Variants in IRAK1BP1 observed in about 807,000 individuals in gnomAD.
IRAK1BP1 encodes the protein interleukin 1 receptor associated kinase 1 binding protein 1, also known as interleukin-1 receptor-associated kinase 1-binding protein 1.
Under a neutral mutation model 28.0 loss-of-function variants are expected in IRAK1BP1, and 24 were observed. The ratio of observed to expected loss-of-function variants is 0.86; its 90% CI spans 0.62 to 1.20. IRAK1BP1 has a LOEUF of 1.20. Among genes scored for constraint, IRAK1BP1 ranks in the 50% most tolerant of loss-of-function variants. The pLI is 0.00. For missense variants in IRAK1BP1, 336 were observed against 316.7 expected (o/e 1.06, Z -0.46); for synonymous variants, 131 against 116.3 (o/e 1.13, Z -0.81).
chr6:78,950,400 G>T (rs1337294646), downstream of IRAK1BP1, among the ~76,000 whole-genome samples: 4 of 152,166 alleles, frequency 2.6e-5, no homozygotes, highest in East Asian at 7.7e-4. Flanking sequence ...TCTATCTTCT[G>T]GAAGAGATTG....
chr6:78,945,081 TC>T (rs1773726656), intron 4 of IRAK1BP1, among the ~76,000 whole-genome samples: 1 of 151,608 alleles, frequency 6.6e-6, no homozygotes, highest in Non-Finnish European at 1.5e-5. Context: ...AAGATTTATT[TC>T]TTTTTTTTTT....
rs2127657760 is a variant in IRAK1BP1, at chr6:78,902,918, G to A, written c.*4584G>A. ...GGTAATATTAATAGAAATCTTTCAA[G>A]AAGGATTGTTTTCTACTATTAAAAC... On this transcript the variant is annotated 3_prime_UTR_variant, in exon 4 of 4. Transcript: ENST00000369940. 1.3e-6 allele frequency: 1 copy of A among 754,514 alleles called. No individual in the cohort carries two copies. The highest frequency in any genetic ancestry group is 2.6e-5 in the Admixed American group (1 of 38,154). The allele number at this position is 754,514 out of a possible 1,614,324, so 46.7% of individuals were successfully genotyped here.
chr6:78,872,176 T>C (rs1202994505), intron 1 of IRAK1BP1: 3 of 694,768 alleles, frequency 4.3e-6, no homozygotes, highest in Non-Finnish European at 7.9e-6. Context: ...CTCTGCAGGA[T>C]TAAATTTGAG....
At chr6:78,917,287 C>A (rs990253570) in intron 4 of IRAK1BP1, among the ~76,000 whole-genome samples, 1 of 151,102 alleles carries the variant, frequency 6.6e-6, no homozygotes, top group African/African-American at 2.4e-5. Context: ...CAATGGAAAG[C>A]TTTATCAATA....
At chr6:78,946,399 T>C (rs1773820226) in exon 5 of IRAK1BP1, 4 of 1,390,588 alleles carry the variant, frequency 2.9e-6, no homozygotes, top group Non-Finnish European at 3.8e-6. Flanking sequence ...TTTCATATGA[T>C]TGTGAGCCTT....
intron 4 of IRAK1BP1, chr6:78,936,894 T>G (rs941424660): frequency 6.6e-6 from 1 of 151,832 alleles, no homozygotes; most frequent in Non-Finnish European, 1.5e-5. Flanking sequence ...ACTTGGAAAT[T>G]AGGGGAACTA....
chr6:78,921,859 G>A (rs1772741299), intron 4 of IRAK1BP1, among the ~76,000 whole-genome samples: 2 of 152,306 alleles, frequency 1.3e-5, no homozygotes, highest in South Asian at 4.1e-4. Flanking sequence ...CTGCAGCTGA[G>A]GGTCCTGACT....
At chr6:78,970,830 A>AT in the IRAK1BP1 span, 2 of 1,612,084 alleles carry the variant, frequency 1.2e-6, no homozygotes, top group Non-Finnish European at 1.7e-6. Flanking sequence ...GATACTATAT[A>AT]TTTTATTTTT....
intron 4 of IRAK1BP1, among the ~76,000 whole-genome samples, chr6:78,943,980 T>C (rs1562112045): frequency 1.2e-5 from 1 of 83,638 alleles, no homozygotes; most frequent in Non-Finnish European, 2.4e-5. Context: ...AGCAAGATCC[T>C]GTCTTTTTTT....
In IRAK1BP1 at chr6:78,902,789, TACATACATACATACATACATAC is replaced by T. The variant is rs1772148861; in HGVS notation, c.*4457_*4478del. The T allele has an allele frequency of 2.7e-6, 1 of 367,358 alleles. No homozygotes were observed. The highest frequency in any genetic ancestry group is 2.8e-5 in the African/African-American group (1 of 35,142). The allele number at this position is 367,358 out of a possible 1,614,324, so 22.8% of individuals were successfully genotyped here. On this transcript the variant is annotated 3_prime_UTR_variant, in exon 4 of 4. Coordinates refer to ENST00000369940, the MANE Select transcript of IRAK1BP1 (RefSeq NM_001010844.4). ...CCATCTACATACATACATACATACA[TACATACATACATACATACATAC>T]ATACATACATAAAATGCCCAGTATC... is the stretch of plus-strand genomic sequence containing the variant.
intron 4 of IRAK1BP1, among the ~76,000 whole-genome samples, chr6:78,911,800 C>T (rs934361359): frequency 6.6e-6 from 1 of 152,130 alleles, no homozygotes; most frequent in Non-Finnish European, 1.5e-5. Flanking sequence ...CTGTTACCCT[C>T]GTCATTTACA....
At chr6:78,915,668 G>A (rs1010756425) in intron 4 of IRAK1BP1, among the ~76,000 whole-genome samples, 5 of 152,186 alleles carry the variant, frequency 3.3e-5, no homozygotes, top group African/African-American at 1.2e-4. Context: ...TAGAGGTCAA[G>A]GACACTTCAT....
intron 4 of IRAK1BP1, among the ~76,000 whole-genome samples, chr6:78,918,173 G>A (rs774704866): frequency 8.5e-5 from 13 of 152,170 alleles, no homozygotes; most frequent in African/African-American, 1.7e-4. Flanking sequence ...GGCACACACC[G>A]GTGGTCCCAG....
intron 4 of IRAK1BP1, among the ~76,000 whole-genome samples, chr6:78,924,809 C>G (rs899422071): frequency 6.6e-6 from 1 of 152,032 alleles, no homozygotes. Flanking sequence ...CAGAACCAAC[C>G]ATTACTGGGT....
At chr6:78,944,566 T>C (rs1773699580) in intron 4 of IRAK1BP1, among the ~76,000 whole-genome samples, 1 of 152,188 alleles carries the variant, frequency 6.6e-6, no homozygotes, top group African/African-American at 2.4e-5. Context: ...AACAAAAAGC[T>C]GTTGAACAGA....
At position 78,932,417 on chromosome 6, in the gene IRAK1BP1, T is replaced by C. The variant is rs1036363502; in HGVS notation, c.*68-12991T>C. Among the ~76,000 whole-genome samples the C allele has an allele frequency of 1.4e-4, 18 of 124,232 alleles. No homozygotes were observed. In the South Asian group the frequency reaches 2.0e-3, roughly 14 times the overall value. 81.5% of individuals were successfully genotyped at this position (124,232 alleles called of 152,430 possible). ...TACAACATGTATTTCTTTTCTTTCT[T>C]TTTCTTTTTTTTTTTTTTTTTGAGA... is the stretch of plus-strand genomic sequence containing the variant. On this transcript the variant is annotated intron_variant and NMD_transcript_variant, in intron 4 of 4. Transcript: ENST00000606868.
chr6:78,968,467 G>A, the IRAK1BP1 span, among the ~76,000 whole-genome samples: 1 of 152,174 alleles, frequency 6.6e-6, no homozygotes, highest in African/African-American at 2.4e-5. Flanking sequence ...CCATGAATAT[G>A]GAAGGGCCAA....
chr6:78,872,465 A>G (rs1205499258), intron 1 of IRAK1BP1, among the ~76,000 whole-genome samples: 1 of 152,212 alleles, frequency 6.6e-6, no homozygotes, highest in African/African-American at 2.4e-5. Flanking sequence ...GTCCTTAATT[A>G]CAGGTTAAGC....
the IRAK1BP1 span, chr6:78,963,242 A>C: frequency 6.2e-7 from 1 of 1,600,976 alleles, no homozygotes. Context: ...CTAGTTCTTC[A>C]GGAAATACAG....
Sources: allele counts gnomAD v4.1 joint callset (sites outside exome capture counted in the v4.1 genomes callset), GRCh38; gene constraint gnomAD v4.1.1; transcripts MANE v1.5; gene names NCBI Gene and HGNC (gene_info 2026-07-23, HGNC 2026-07-21).